Variants in PTPRD observed in about 807,000 individuals in gnomAD.
PTPRD encodes the protein receptor-type tyrosine-protein phosphatase delta.
In PTPRD, 34 loss-of-function variants were observed where a neutral mutation model predicts 214.5. That is an observed-to-expected ratio of 0.16 (90% CI 0.12 to 0.21). The LOEUF (loss-of-function observed/expected upper bound fraction) is 0.21. PTPRD is among the 10% of genes least tolerant of loss of function. The pLI, the probability that PTPRD is intolerant of heterozygous loss-of-function variation, is 1.00. For synonymous variants in PTPRD, 1,128 were observed against 845.7 expected (o/e 1.33, Z -5.79); for missense variants, 2,545 against 2,398.7 (o/e 1.06, Z -1.27).
At position 9,794,966 on chromosome 9, in the gene PTPRD, T is replaced by C. The variant is rs141717818; in HGVS notation, c.-367-28115A>G. Among the ~76,000 whole-genome samples the C allele has an allele frequency of 5.7e-4, 87 of 152,292 alleles. 1 individual carries two copies. Among genetic ancestry groups the C allele is most frequent in the African/African-American group, 2.0e-3 (84 of 41,578 alleles). On this transcript the variant is annotated intron_variant, in intron 5 of 45. Transcript: ENST00000381196. Reference sequence around the variant, plus strand: ...CAGAAATATCACAGGTCTAAATGAATGAGGGAGTGGAAAGAGCAGAGGTAG... The same window carrying C: ...CAGAAATATCACAGGTCTAAATGAACGAGGGAGTGGAAAGAGCAGAGGTAG...
intron 5 of PTPRD, among the ~76,000 whole-genome samples, chr9:9,814,671 C>A (rs958461243): frequency 1.1e-4 from 17 of 152,054 alleles, no homozygotes; most frequent in African/African-American, 4.1e-4. Context: ...AATGTCCATA[C>A]TACCTCAAAC....
intron 11 of PTPRD, among the ~76,000 whole-genome samples, chr9:8,821,850 A>G (rs2154526897): frequency 6.6e-6 from 1 of 152,278 alleles, no homozygotes; most frequent in Non-Finnish European, 1.5e-5. Context: ...TTTTTAGTAG[A>G]GACGGGGTTT....
At chr9:8,752,289 G>A (rs1287434545) in intron 11 of PTPRD, among the ~76,000 whole-genome samples, 1 of 152,100 alleles carries the variant, frequency 6.6e-6, no homozygotes, top group Non-Finnish European at 1.5e-5. Context: ...AACCAAGATG[G>A]CCATGAGAGT....
chr9:10,449,452 G>A (rs537001548), intron 2 of PTPRD, among the ~76,000 whole-genome samples: 176 of 151,766 alleles, frequency 1.2e-3, no homozygotes, highest in Admixed American at 4.8e-3. Flanking sequence ...GCCTCCGCCC[G>A]GCGGCCACCC....
chr9:10,305,893 A>C lies in PTPRD; in HGVS notation c.-545+35070T>G, dbSNP rs527850940. Among the ~76,000 whole-genome samples, 11 of 152,234 alleles carry C rather than the reference A, an allele frequency of 7.2e-5. No homozygotes were observed. The South Asian group carries it at 2.1e-3, about 29-fold the overall frequency. On this transcript the variant is annotated intron_variant, in intron 3 of 45. Coordinates refer to ENST00000381196, the MANE Select transcript of PTPRD (RefSeq NM_002839.4). ...TCCTCAAGGATCTAGAACTAGAAAT[A>C]CCATTTGACCCAGCAATCCCACTAC...
chr9:8,972,615 G>C lies in PTPRD; in HGVS notation c.-104+46082C>G, dbSNP rs1406739434. ...TTGAGGACTGTTAGTCAATAACCTT[G>C]ATATTAATATGCATTATCTCATTTA... On this transcript the variant is annotated intron_variant, in intron 11 of 45. Coordinates refer to ENST00000381196, the MANE Select transcript of PTPRD (RefSeq NM_002839.4). Among the ~76,000 whole-genome samples the C allele has an allele frequency of 3.3e-5, 5 of 151,910 alleles. No homozygotes were observed. The South Asian group carries it at 6.2e-4, about 19-fold the overall frequency.
chr9:8,784,690 C>G (rs1027604926), intron 11 of PTPRD, among the ~76,000 whole-genome samples: 1 of 152,114 alleles, frequency 6.6e-6, no homozygotes, highest in Non-Finnish European at 1.5e-5. Context: ...GTTTGCTTAG[C>G]CTGCTTACCA....
At chr9:10,406,531 C>T (rs1414636279) in intron 2 of PTPRD, among the ~76,000 whole-genome samples, 2 of 151,608 alleles carry the variant, frequency 1.3e-5, no homozygotes, top group Admixed American at 6.6e-5. Context: ...CCCCACAGAG[C>T]AAGCATCACC....
intron 8 of PTPRD, among the ~76,000 whole-genome samples, chr9:9,530,227 A>C (rs1444647671): frequency 6.6e-6 from 1 of 152,200 alleles, no homozygotes; most frequent in African/African-American, 2.4e-5. Context: ...TGGTCTCTGA[A>C]AACAATAAAA....
At chr9:9,968,094 G>A (rs1215931375) in intron 4 of PTPRD, among the ~76,000 whole-genome samples, 2 of 152,042 alleles carry the variant, frequency 1.3e-5, no homozygotes, top group Non-Finnish European at 2.9e-5. Flanking sequence ...TTTTGGACTA[G>A]GTAAAAGAAT....
intron 6 of PTPRD, among the ~76,000 whole-genome samples, chr9:9,743,379 T>C (rs895274006): frequency 4.6e-5 from 7 of 152,138 alleles, no homozygotes; most frequent in Admixed American, 2.0e-4. Context: ...AGTTTTCTTA[T>C]ATATAAACAG....
At chr9:9,602,955 G>C (rs2093886839) in intron 7 of PTPRD, among the ~76,000 whole-genome samples, 1 of 151,860 alleles carries the variant, frequency 6.6e-6, no homozygotes, top group African/African-American at 2.4e-5. Flanking sequence ...TTTAAGATAA[G>C]CAAATTGGCT....
chr9:9,076,914 C>G (rs750296691), intron 10 of PTPRD, among the ~76,000 whole-genome samples: 2 of 151,706 alleles, frequency 1.3e-5, no homozygotes, highest in African/African-American at 4.8e-5. Flanking sequence ...ATTTACATTC[C>G]TACCAACAGT....
chr9:8,572,275 G>A (rs566784941), intron 14 of PTPRD, among the ~76,000 whole-genome samples: 4 of 151,980 alleles, frequency 2.6e-5, no homozygotes, highest in African/African-American at 9.6e-5. Context: ...TAGCCTCCAA[G>A]GACTCTTCTA....
chr9:9,127,739 C>G (rs750063747), intron 10 of PTPRD, among the ~76,000 whole-genome samples: 3 of 151,342 alleles, frequency 2.0e-5, no homozygotes, highest in Admixed American at 6.6e-5. Flanking sequence ...AGTCTTTCAT[C>G]GAATGTCTGG....
At chr9:10,124,861 T>C (rs1181935919) in intron 3 of PTPRD, among the ~76,000 whole-genome samples, 3 of 152,140 alleles carry the variant, frequency 2.0e-5, no homozygotes, top group Non-Finnish European at 4.4e-5. Flanking sequence ...CATAAACAGA[T>C]CTATTTGTGG....
chr9:8,981,671 G>C (rs1184023849), intron 11 of PTPRD, among the ~76,000 whole-genome samples: 1 of 151,994 alleles, frequency 6.6e-6, no homozygotes, highest in Non-Finnish European at 1.5e-5. Context: ...TGGGCACACA[G>C]AATTCCATTT....
At chr9:9,699,964 T>G (rs2097460399) in intron 7 of PTPRD, among the ~76,000 whole-genome samples, 1 of 152,282 alleles carries the variant, frequency 6.6e-6, no homozygotes, top group African/African-American at 2.4e-5. Context: ...TCAGAATTAT[T>G]TATGAATTCA....
At position 9,498,707 on chromosome 9, in the gene PTPRD, G is replaced by T. The variant is rs1369642483; in HGVS notation, c.-237+76025C>A. ...TAGAATGATCATTCAGGAATATTTT[G>T]CCACTGACTTGAGAAATAAAATGCT... is the stretch of plus-strand genomic sequence containing the variant. On this transcript the variant is annotated intron_variant, in intron 8 of 45. Transcript: ENST00000381196. 3.3e-5 allele frequency among the ~76,000 whole-genome samples: 5 copies of T among 151,950 alleles called. No individual in the cohort carries two copies. In the East Asian group the frequency reaches 7.7e-4, roughly 23 times the overall value.
Sources: allele counts gnomAD v4.1 joint callset (sites outside exome capture counted in the v4.1 genomes callset), GRCh38; gene constraint gnomAD v4.1.1; transcripts MANE v1.5; gene names NCBI Gene and HGNC (gene_info 2026-07-23, HGNC 2026-07-21).